Variants in MYO1D observed in about 807,000 individuals in gnomAD.
The protein encoded by MYO1D is unconventional myosin-Id.
Under a neutral mutation model 122.0 loss-of-function variants are expected in MYO1D, and 83 were observed. The observed-to-expected ratio is 0.68, with a 90% confidence interval of 0.57 to 0.82. The LOEUF (loss-of-function observed/expected upper bound fraction) is 0.82, where lower values mean the gene tolerates loss of function less well. Ranked by LOEUF, MYO1D falls within the 40% of genes least tolerant of loss-of-function variation. MYO1D has a pLI of 0.00. For synonymous variants in MYO1D, 464 were observed against 446.9 expected (o/e 1.04, Z -0.48); for missense variants, 1,157 against 1,269.5 (o/e 0.91, Z 1.35).
At chr17:32,746,818 C>T (rs1275876507) in intron 12 of MYO1D, among the ~76,000 whole-genome samples, 1 of 152,126 alleles carries the variant, frequency 6.6e-6, no homozygotes, top group Non-Finnish European at 1.5e-5. Context: ...AGTCTAGAAA[C>T]CTAGGTATTG....
intron 21 of MYO1D, among the ~76,000 whole-genome samples, chr17:32,568,930 T>C (rs1325471818): frequency 6.6e-6 from 1 of 152,212 alleles, no homozygotes; most frequent in Non-Finnish European, 1.5e-5. Flanking sequence ...TGTTTTTATG[T>C]GTATTGCCCT....
intron 20 of MYO1D, among the ~76,000 whole-genome samples, chr17:32,617,438 G>C (rs1474769981): frequency 2.0e-5 from 3 of 152,084 alleles, no homozygotes; most frequent in African/African-American, 7.2e-5. Flanking sequence ...CACCTGCTTT[G>C]CTCTTTTTTT....
intron 21 of MYO1D, among the ~76,000 whole-genome samples, chr17:32,500,923 G>T (rs1479824828): frequency 5.3e-5 from 8 of 151,912 alleles, no homozygotes; most frequent in Non-Finnish European, 1.0e-4. Flanking sequence ...GCAGGAGAAT[G>T]GCGTGAACCT....
At chr17:32,671,398 C>T (rs1482548734) in intron 16 of MYO1D, among the ~76,000 whole-genome samples, 1 of 152,188 alleles carries the variant, frequency 6.6e-6, no homozygotes, top group Non-Finnish European at 1.5e-5. Context: ...AAGAAAAATC[C>T]TGTGTCAATA....
intron 1 of MYO1D, among the ~76,000 whole-genome samples, chr17:32,806,252 T>C (rs1406767553): frequency 6.6e-6 from 1 of 152,178 alleles, no homozygotes; most frequent in Admixed American, 6.5e-5. Flanking sequence ...AGCGAGACTC[T>C]GTCTCAAAAA....
chr17:32,710,267 G>T (rs1048537498), intron 16 of MYO1D, among the ~76,000 whole-genome samples: 4 of 152,098 alleles, frequency 2.6e-5, no homozygotes, highest in African/African-American at 4.8e-5. Context: ...GTGTGTGTAA[G>T]TGTGAATAAA....
intron 16 of MYO1D, among the ~76,000 whole-genome samples, chr17:32,694,633 G>A (rs569345980): frequency 5.5e-5 from 8 of 146,052 alleles, no homozygotes; most frequent in South Asian, 2.2e-4. Context: ...CCCGGGAAGC[G>A]GAGCTTGCAG....
At position 32,680,886 on chromosome 17, in the gene MYO1D, T is replaced by A. The variant is rs924961766; in HGVS notation, c.2122-21548A>T. Among the ~76,000 whole-genome samples, 350 of 152,282 alleles carry A rather than the reference T, an allele frequency of 2.3e-3. 1 individual carries two copies. Among genetic ancestry groups the A allele is most frequent in the African/African-American group, 8.2e-3 (340 of 41,544 alleles). ...GCTGTGAATCCATCTGGTCCTGGAC[T>A]CTTTTTGGTTGGTAAACTATTGATT... On this transcript the variant is annotated intron_variant, in intron 16 of 21. Coordinates refer to ENST00000318217, the MANE Select transcript of MYO1D (RefSeq NM_015194.3).
At chr17:32,812,227 T>C (rs944759603) in intron 1 of MYO1D, among the ~76,000 whole-genome samples, 4 of 152,144 alleles carry the variant, frequency 2.6e-5, no homozygotes, top group Non-Finnish European at 4.4e-5. Context: ...AATTCAAGAA[T>C]TGGTACAGAA....
rs533748420 is a variant in MYO1D at position 32,653,861 on chromosome 17, A to G, written c.2577T>C (p.Phe859=). The change falls in exon 19 of 22, where the codon TTT becomes TTC. Residue 859 remains phenylalanine, a synonymous_variant. Coordinates refer to ENST00000318217, the MANE Select transcript of MYO1D (RefSeq NM_015194.3). ...KRKDKYMNVL[F]SCHVRKVNRF... ...GCCTTACCTTACGGACGTGACAGGAAAAGAGGACATTCATGTATTTGTCCT... is the reference window on the plus strand; with the variant it reads ...GCCTTACCTTACGGACGTGACAGGAGAAGAGGACATTCATGTATTTGTCCT... The G allele has an allele frequency of 6.2e-7, 1 of 1,613,830 alleles. No individual in the cohort carries two copies. The highest frequency in any genetic ancestry group is 1.3e-5 in the African/African-American group (1 of 75,040).
chr17:32,697,817 A>G (rs2089192859), intron 16 of MYO1D, among the ~76,000 whole-genome samples: 1 of 152,350 alleles, frequency 6.6e-6, no homozygotes, highest in South Asian at 2.1e-4. Flanking sequence ...TAATAAAGCA[A>G]TTTTGCAAAT....
chr17:32,638,929 C>A, intron 19 of MYO1D, 94 bp from the exon 20 acceptor site: 1 of 780,204 alleles, frequency 1.3e-6, no homozygotes, highest in Non-Finnish European at 2.3e-6. Flanking sequence ...AGATGTGAAC[C>A]ATGTATGGCC....
At chr17:32,692,367 T>G (rs2033173376) in intron 16 of MYO1D, among the ~76,000 whole-genome samples, 1 of 152,258 alleles carries the variant, frequency 6.6e-6, no homozygotes, top group Admixed American at 6.5e-5. Flanking sequence ...TTAAACCACA[T>G]GTATGCCATT....
At position 32,803,155 on chromosome 17, in the gene MYO1D, C is replaced by CT. The variant is rs370975517; in HGVS notation, c.96-22372dup. Among the ~76,000 whole-genome samples the CT allele has an allele frequency of 4.9e-3, 745 of 151,242 alleles. 7 individuals are homozygous for CT. The highest frequency in any genetic ancestry group is 0.017 in the African/African-American group (698 of 41,098). On this transcript the variant is annotated intron_variant, in intron 1 of 21. Coordinates refer to ENST00000318217, the MANE Select transcript of MYO1D (RefSeq NM_015194.3). ...GTGCCAGAACTTCCAATTTTTCTTT[C>CT]TTTTTTTTTGAGACAGAATCTTACT...
chr17:32,613,841 T>C (rs2087736736), intron 20 of MYO1D, among the ~76,000 whole-genome samples: 1 of 25,356 alleles, frequency 3.9e-5, no homozygotes, highest in African/African-American at 1.3e-4. Context: ...ACTCAGTTTA[T>C]TTATTAATAG....
chr17:32,825,423 C>G (rs2090712404), intron 1 of MYO1D, among the ~76,000 whole-genome samples: 1 of 152,164 alleles, frequency 6.6e-6, no homozygotes, highest in Non-Finnish European at 1.5e-5. Context: ...TCCTGAATAG[C>G]TGGGACTACA....
At chr17:32,683,524 G>T (rs1330197733) in intron 16 of MYO1D, among the ~76,000 whole-genome samples, 1 of 152,020 alleles carries the variant, frequency 6.6e-6, no homozygotes, top group African/African-American at 2.4e-5. Context: ...AGGTGTCAGT[G>T]TGCCCCTGCT....
chr17:32,557,480 G>A (rs758393891), intron 21 of MYO1D, among the ~76,000 whole-genome samples: 9 of 151,848 alleles, frequency 5.9e-5, no homozygotes, highest in South Asian at 2.1e-4. Context: ...TTCAGGAGTC[G>A]GCAAACTTCC....
intron 21 of MYO1D, among the ~76,000 whole-genome samples, chr17:32,604,778 G>A (rs1450956049): frequency 1.3e-5 from 2 of 152,174 alleles, no homozygotes; most frequent in African/African-American, 4.8e-5. Flanking sequence ...ATGACGAGAA[G>A]AATATAAAGT....
Sources: allele counts gnomAD v4.1 joint callset (sites outside exome capture counted in the v4.1 genomes callset), GRCh38; gene constraint gnomAD v4.1.1; transcripts MANE v1.5; gene names NCBI Gene and HGNC (gene_info 2026-07-23, HGNC 2026-07-21).